The following INPP4B variants were observed in gnomAD, a reference collection of about 807,000 sequenced individuals.
INPP4B encodes inositol polyphosphate 4-phosphatase type II.
Under a neutral mutation model 122.5 loss-of-function variants are expected in INPP4B, and 55 were observed. The ratio of observed to expected loss-of-function variants is 0.45; its 90% CI spans 0.36 to 0.56. The LOEUF (loss-of-function observed/expected upper bound fraction) is 0.56. INPP4B is among the 20% of genes least tolerant of loss of function. The pLI is 0.00. For missense variants in INPP4B, 1,000 were observed against 1,097.7 expected (o/e 0.91, Z 1.26); for synonymous variants, 403 against 388.7 (o/e 1.04, Z -0.43).
chr4:142,215,193 T>C (rs775783832), intron 12 of INPP4B, among the ~76,000 whole-genome samples: 4 of 152,302 alleles, frequency 2.6e-5, no homozygotes, highest in Non-Finnish European at 1.5e-5. Context: ...ACTGCTTGTT[T>C]ATCTCAGAGT....
chr4:142,339,329 C>G (rs1005779287), intron 7 of INPP4B, among the ~76,000 whole-genome samples: 4 of 152,142 alleles, frequency 2.6e-5, no homozygotes, highest in African/African-American at 9.7e-5. Context: ...AAAGGAGAAG[C>G]AAAACAAAGC....
intron 1 of INPP4B, among the ~76,000 whole-genome samples, chr4:142,820,982 G>A (rs1780732226): frequency 1.3e-5 from 2 of 152,016 alleles, no homozygotes; most frequent in South Asian, 4.2e-4. Context: ...GATTTTAAGT[G>A]GTCTCTTTCT....
chr4:142,304,814 TTA>T (rs1264891323), intron 9 of INPP4B, among the ~76,000 whole-genome samples: 2 of 152,144 alleles, frequency 1.3e-5, no homozygotes, highest in Admixed American at 6.5e-5. Flanking sequence ...GTTTCAAAAT[TTA>T]TGTTTTCAAA....
chr4:142,499,854 C>G (rs1235051238), intron 2 of INPP4B, among the ~76,000 whole-genome samples: 1 of 152,100 alleles, frequency 6.6e-6, no homozygotes, highest in East Asian at 1.9e-4. Context: ...TCTATAAACT[C>G]CCTACCTTTA....
intron 1 of INPP4B, among the ~76,000 whole-genome samples, chr4:142,752,023 C>G (rs1022979171): frequency 6.6e-6 from 1 of 151,972 alleles, no homozygotes; most frequent in Non-Finnish European, 1.5e-5. Flanking sequence ...ACATATAATT[C>G]TATTTTATTT....
intron 7 of INPP4B, among the ~76,000 whole-genome samples, chr4:142,337,841 C>T (rs961717883): frequency 8.8e-5 from 13 of 148,308 alleles, no homozygotes; most frequent in African/African-American, 2.5e-4. Context: ...CATATTTCTT[C>T]CTCTCTCTAC....
intron 3 of INPP4B, among the ~76,000 whole-genome samples, chr4:142,442,551 T>C (rs2149450676): frequency 6.6e-6 from 1 of 152,232 alleles, no homozygotes; most frequent in South Asian, 2.1e-4. Flanking sequence ...AATATATTTG[T>C]CACATAGAAG....
intron 11 of INPP4B, among the ~76,000 whole-genome samples, chr4:142,239,121 G>A (rs996283883): frequency 1.3e-5 from 2 of 151,982 alleles, no homozygotes; most frequent in African/African-American, 4.8e-5. Context: ...TTCACTACTT[G>A]GGTAAAAATA....
At chr4:142,153,952 T>A (rs1390699420) in intron 17 of INPP4B, among the ~76,000 whole-genome samples, 1 of 152,210 alleles carries the variant, frequency 6.6e-6, no homozygotes, top group East Asian at 1.9e-4. Context: ...TTAATCACCC[T>A]TTGTGGACCT....
chr4:142,543,376 T>G (rs542246870), intron 2 of INPP4B, among the ~76,000 whole-genome samples: 9 of 152,280 alleles, frequency 5.9e-5, no homozygotes, highest in African/African-American at 2.2e-4. Context: ...TAAATGAACT[T>G]TATGCAAAAG....
At chr4:142,523,560 T>C (rs1826386022) in intron 2 of INPP4B, among the ~76,000 whole-genome samples, 1 of 152,142 alleles carries the variant, frequency 6.6e-6, no homozygotes, top group Non-Finnish European at 1.5e-5. Flanking sequence ...GCCAGGGTTG[T>C]AACCCTTAAT....
At chr4:142,389,251 GAAA>G (rs199976631) in intron 7 of INPP4B, among the ~76,000 whole-genome samples, 21,763 of 89,372 alleles carry the variant, frequency 0.24, 1,690 homozygotes, top group East Asian at 0.29. Flanking sequence ...CTCCATCTCA[GAAA>G]AAAAAAAAAA....
At chr4:142,398,445 T>TATA (rs749321202) in intron 7 of INPP4B, among the ~76,000 whole-genome samples, 44 of 74,514 alleles carry the variant, frequency 5.9e-4, no homozygotes, top group Non-Finnish European at 9.5e-4. Flanking sequence ...TATATATATA[T>TATA]AAAACATATT....
rs900179491 is a variant in INPP4B at position 142,812,701 on chromosome 4, TA to T, written c.-254+33507del. 1.6e-4 allele frequency among the ~76,000 whole-genome samples: 24 copies of T among 151,822 alleles called. 1 individual carries two copies. Among genetic ancestry groups the T allele is most frequent in the Admixed American group, 5.9e-4 (9 of 15,226 alleles). ...TTATTTATACTTTTTTATAACAAGGTAAAAAAAAGACATTAGAACACCTAAT... is the reference window on the plus strand; with the variant it reads ...TTATTTATACTTTTTTATAACAAGGTAAAAAAAGACATTAGAACACCTAAT... On this transcript the variant is annotated intron_variant, in intron 1 of 25. Coordinates refer to ENST00000262992, the MANE Select transcript of INPP4B (RefSeq NM_001101669.3).
intron 2 of INPP4B, among the ~76,000 whole-genome samples, chr4:142,555,494 T>G (rs971922733): frequency 1.3e-5 from 2 of 152,170 alleles, no homozygotes; most frequent in Admixed American, 6.5e-5. Flanking sequence ...TAGTTGTAAA[T>G]GGGTATTTTA....
chr4:142,090,745 G>A (rs773729561), intron 23 of INPP4B, among the ~76,000 whole-genome samples: 1 of 151,554 alleles, frequency 6.6e-6, no homozygotes, highest in Non-Finnish European at 1.5e-5. Context: ...GTATTCAGAG[G>A]TAAAAGTTAC....
chr4:142,644,093 T>C (rs563152651), intron 2 of INPP4B, among the ~76,000 whole-genome samples: 10 of 151,632 alleles, frequency 6.6e-5, no homozygotes, highest in African/African-American at 2.4e-4. Flanking sequence ...CCTAGCTACT[T>C]GGGAGACAAG....
intron 2 of INPP4B, among the ~76,000 whole-genome samples, chr4:142,641,522 T>C (rs1288367667): frequency 6.6e-6 from 1 of 151,818 alleles, no homozygotes; most frequent in East Asian, 1.9e-4. Flanking sequence ...ATGCGGTGTT[T>C]GGTTTTTTAT....
Position 142,108,117 on chromosome 4 carries a change from A to T in INPP4B, c.2350T>A (p.Phe784Ile). 1 of 1,567,786 alleles carries T rather than the reference A, an allele frequency of 6.4e-7. No homozygotes were observed. The highest frequency in any genetic ancestry group is 8.8e-7 in the Non-Finnish European group (1 of 1,139,434). The change falls in exon 23 of 26, where the codon TTT becomes ATT. Residue 784 changes from phenylalanine to isoleucine, a missense_variant. Transcript: ENST00000262992. ...FELLQEYYKI[F>I]MEKMPPDYIS... is the part of the protein sequence containing the mutation. ...CAATCAGGAGGCATCTTTTCCATAA[A>T]TATCTTGTAATATTCTTGTAGAAGT...
Sources: gnomAD v4.1 joint callset for allele counts (sites outside exome capture counted in the v4.1 genomes callset) on GRCh38, gnomAD v4.1.1 for gene constraint, MANE v1.5 for transcripts, NCBI Gene and HGNC (gene_info 2026-07-23, HGNC 2026-07-21) for gene names.